The following CBFA2T3 variants were observed in gnomAD, a reference collection of about 807,000 sequenced individuals.
The protein encoded by CBFA2T3 is transcriptional corepressor CBFA2T3.
Under a neutral mutation model 58.6 loss-of-function variants are expected in CBFA2T3, and 31 were observed. The ratio of observed to expected loss-of-function variants is 0.53; its 90% CI spans 0.40 to 0.71. The LOEUF is 0.71. CBFA2T3 is among the 30% of genes least tolerant of loss of function. The probability of loss-of-function intolerance (pLI) is 0.00; values close to 1 mark genes in which losing one functional copy is unlikely to be tolerated. For synonymous variants in CBFA2T3, 531 were observed against 421.9 expected (o/e 1.26, Z -3.17); for missense variants, 1,076 against 963.1 (o/e 1.12, Z -1.55).
chr16:88,931,486 C>T (rs888215318), intron 1 of CBFA2T3, among the ~76,000 whole-genome samples: 12 of 151,788 alleles, frequency 7.9e-5, no homozygotes, highest in Non-Finnish European at 1.6e-4. Flanking sequence ...CGGCAGAAGC[C>T]CCTTCATGTG....
intron 1 of CBFA2T3, among the ~76,000 whole-genome samples, chr16:88,929,290 C>T (rs1971196821): frequency 6.6e-6 from 1 of 152,178 alleles, no homozygotes; most frequent in African/African-American, 2.4e-5. Context: ...AAACGGCATC[C>T]ATCACCGGGG....
chr16:88,904,191 G>A (rs1035795338), intron 1 of CBFA2T3, among the ~76,000 whole-genome samples: 1 of 152,166 alleles, frequency 6.6e-6, no homozygotes, highest in Non-Finnish European at 1.5e-5. Context: ...CTGAGCAGTC[G>A]GGGACTTCAT....
At chr16:88,933,028 G>A (rs568624905) in intron 1 of CBFA2T3, among the ~76,000 whole-genome samples, 1 of 152,268 alleles carries the variant, frequency 6.6e-6, no homozygotes, top group Non-Finnish European at 1.5e-5. Context: ...CTGGGAGCTC[G>A]AGGGAGGTGA....
chr16:88,932,887 T>C (rs1443020190), intron 1 of CBFA2T3, among the ~76,000 whole-genome samples: 2 of 149,674 alleles, frequency 1.3e-5, no homozygotes, highest in African/African-American at 4.9e-5. Flanking sequence ...GAGAATCACT[T>C]GAACCCGGGA....
chr16:88,875,785 T>C lies in CBFA2T3; in HGVS notation c.*1191A>G, dbSNP rs940956489. On this transcript the variant is annotated 3_prime_UTR_variant, in exon 12 of 12. Transcript: ENST00000268679. ...TCACAGTTTTGTTTCGGAATTATGC[T>C]CTCTCTGGGAAGAAAACTTTAGCAC... The C allele has an allele frequency of 2.6e-5, 6 of 233,374 alleles. No individual in the cohort carries two copies. Among genetic ancestry groups the C allele is most frequent in the African/African-American group, 1.3e-4 (6 of 45,264 alleles). The allele number at this position is 233,374 out of a possible 1,614,324, so 14.5% of individuals were successfully genotyped here.
intron 11 of CBFA2T3, among the ~76,000 whole-genome samples, chr16:88,878,251 T>A (rs1968918087): frequency 6.6e-6 from 1 of 152,224 alleles, no homozygotes; most frequent in African/African-American, 2.4e-5. Context: ...CAGTGCCAGC[T>A]CTGTGAGAGT....
chr16:88,903,686 A>G (rs1206140769), intron 1 of CBFA2T3, among the ~76,000 whole-genome samples: 1 of 33,888 alleles, frequency 3.0e-5, no homozygotes, highest in East Asian at 8.3e-4. Flanking sequence ...CTGGGGGGGC[A>G]TTCCTGGGGG....
At chr16:88,918,454 G>A (rs1246652659) in intron 1 of CBFA2T3, among the ~76,000 whole-genome samples, 1 of 152,238 alleles carries the variant, frequency 6.6e-6, no homozygotes, top group Non-Finnish European at 1.5e-5. Flanking sequence ...CCACAGCCGT[G>A]GGGAGGCCTT....
At position 88,953,127 on chromosome 16, in the gene CBFA2T3, C is replaced by A. The variant is rs974819732; in HGVS notation, c.151+23530G>T. Among the ~76,000 whole-genome samples, 2 of 152,308 alleles carry A rather than the reference C, an allele frequency of 1.3e-5. No individual in the cohort carries two copies. Among genetic ancestry groups the A allele is most frequent in the East Asian group, 1.9e-4 (1 of 5,178 alleles). On this transcript the variant is annotated intron_variant, in intron 1 of 11. Coordinates refer to ENST00000268679, the MANE Select transcript of CBFA2T3 (RefSeq NM_005187.6). The surrounding 1 kb of genome is among the most constrained non-coding windows in gnomAD (Gnocchi z 4.9). ...TTAGATCGGCCCCCAGTCCTGCTGGCCCCAGCGATGACAGAGGAGGAGGAA... is the reference window on the plus strand; with the variant it reads ...TTAGATCGGCCCCCAGTCCTGCTGGACCCAGCGATGACAGAGGAGGAGGAA...
Position 88,977,105 on chromosome 16 carries a change from G to A in CBFA2T3, c.-298C>T. The A allele has an allele frequency of 2.9e-6, 1 of 349,508 alleles. No homozygotes were observed. The highest frequency in any genetic ancestry group is 5.3e-6 in the Non-Finnish European group (1 of 190,326). The allele number at this position is 349,508 out of a possible 1,614,324, so 21.7% of individuals were successfully genotyped here. The stretch of plus-strand genomic sequence containing the variant: ...GTGAGGCAGCCAGCTGTGTCCCCGT[G>A]ATAATGCCGGGGCCGGAGGCCTGCA... On this transcript the variant is annotated 5_prime_UTR_variant, in exon 1 of 12. Transcript: ENST00000268679.
At chr16:88,904,975 G>A (rs554832126) in intron 1 of CBFA2T3, among the ~76,000 whole-genome samples, 83 of 152,284 alleles carry the variant, frequency 5.5e-4, no homozygotes, top group Admixed American at 2.4e-3. Context: ...TGCTCCTGGC[G>A]CTGCCCCTGG....
intron 1 of CBFA2T3, chr16:88,951,012 C>G (rs1242120896): frequency 2.3e-6 from 1 of 432,748 alleles, no homozygotes; most frequent in Non-Finnish European, 4.6e-6. Context: ...TCACCCCTCG[C>G]CTGGACCGGC....
chr16:88,909,448 G>A (rs1323574262), intron 1 of CBFA2T3, among the ~76,000 whole-genome samples: 3 of 152,220 alleles, frequency 2.0e-5, no homozygotes, highest in Non-Finnish European at 4.4e-5. Context: ...CCCAGCGGCG[G>A]CTGGGACGGA....
intron 1 of CBFA2T3, among the ~76,000 whole-genome samples, chr16:88,912,497 C>G (rs923695587): frequency 3.9e-5 from 6 of 152,216 alleles, no homozygotes; most frequent in African/African-American, 1.4e-4. Context: ...CAGGTCTTGG[C>G]GCAAATGTCC....
rs1405913101 is a variant in CBFA2T3, at chr16:88,958,047, T to C, written c.151+18610A>G. Among the ~76,000 whole-genome samples, 2 of 152,156 alleles carry C rather than the reference T, an allele frequency of 1.3e-5. No homozygotes were observed. Among genetic ancestry groups the C allele is most frequent in the Admixed American group, 6.5e-5 (1 of 15,290 alleles). ...AACCACAGTAGACCCGGAACGAAAG[T>C]ACCTGTGAGCTGCTCACAATCCCTC... On this transcript the variant is annotated intron_variant, in intron 1 of 11. Coordinates refer to ENST00000268679, the MANE Select transcript of CBFA2T3 (RefSeq NM_005187.6). The surrounding 1 kb of genome is among the most constrained non-coding windows in gnomAD (Gnocchi z 4.0).
chr16:88,894,577 CAT>C (rs1284599452), intron 3 of CBFA2T3, among the ~76,000 whole-genome samples: 5 of 149,790 alleles, frequency 3.3e-5, no homozygotes, highest in African/African-American at 7.5e-5. Context: ...TGCACACACA[CAT>C]GCATACATAT....
chr16:88,948,571 A>G (rs568113041), intron 1 of CBFA2T3, among the ~76,000 whole-genome samples: 1 of 152,358 alleles, frequency 6.6e-6, no homozygotes, highest in South Asian at 2.1e-4. Context: ...GGCTCCGGAC[A>G]GGAGGCTTCC....
chr16:88,931,088 C>T (rs1971284785), intron 1 of CBFA2T3, among the ~76,000 whole-genome samples: 1 of 152,084 alleles, frequency 6.6e-6, no homozygotes, highest in African/African-American at 2.4e-5. Flanking sequence ...CCTGCCCCTG[C>T]CAGGGACCCA....
chr16:88,891,130 G>A (rs113974905), intron 5 of CBFA2T3, among the ~76,000 whole-genome samples: 1 of 151,906 alleles, frequency 6.6e-6, no homozygotes, highest in Non-Finnish European at 1.5e-5. Flanking sequence ...ATCGGCCTGC[G>A]CAGCCACAGA....
Sources: gnomAD v4.1 joint callset for allele counts (sites outside exome capture counted in the v4.1 genomes callset) on GRCh38, gnomAD v4.1.1 for gene constraint, Gnocchi (gnomAD v3.1) non-coding constraint, MANE v1.5 for transcripts, NCBI Gene and HGNC (gene_info 2026-07-23, HGNC 2026-07-21) for gene names.